Variants in MCTP2 observed in about 807,000 individuals in gnomAD.
MCTP2 encodes the protein multiple C2 and transmembrane domain containing 2.
Under a neutral mutation model 111.6 loss-of-function variants are expected in MCTP2, and 132 were observed. The observed-to-expected ratio is 1.18, with a 90% CI of 1.03 to 1.37. The LOEUF (loss-of-function observed/expected upper bound fraction) is 1.37, where lower values mean the gene tolerates loss of function less well. Among genes scored for constraint, MCTP2 ranks in the 40% most tolerant of loss-of-function variants. The pLI is 0.00. For synonymous variants in MCTP2, 395 were observed against 387.7 expected (o/e 1.02, Z -0.22); for missense variants, 1,183 against 1,067.9 (o/e 1.11, Z -1.50).
At chr15:94,385,776 C>A (rs2080430821) in intron 14 of MCTP2, among the ~76,000 whole-genome samples, 1 of 152,164 alleles carries the variant, frequency 6.6e-6, no homozygotes, top group African/African-American at 2.4e-5. Flanking sequence ...TTTTTCAATT[C>A]ATTTTCAGTC....
intron 19 of MCTP2, among the ~76,000 whole-genome samples, chr15:94,446,357 C>T (rs555709650): frequency 9.3e-4 from 142 of 152,292 alleles, no homozygotes; most frequent in African/African-American, 3.2e-3. Context: ...TAGCTAAGTT[C>T]AGCCAACAGC....
At chr15:94,434,566 AT>A (rs919986202) in intron 17 of MCTP2, among the ~76,000 whole-genome samples, 30 of 151,966 alleles carry the variant, frequency 2.0e-4, no homozygotes, top group East Asian at 1.5e-3. Flanking sequence ...AGAGTAGGTG[AT>A]TTTTTTTCCC....
chr15:94,274,783 T>TA (rs1047329771), intron 1 of MCTP2, among the ~76,000 whole-genome samples: 5 of 152,122 alleles, frequency 3.3e-5, no homozygotes, highest in South Asian at 2.1e-4. Context: ...TGCATCCTTT[T>TA]AAAAAATGCC....
At chr15:94,243,762 T>C (rs2071362961) in intron 1 of MCTP2, among the ~76,000 whole-genome samples, 1 of 147,994 alleles carries the variant, frequency 6.8e-6, no homozygotes, top group Non-Finnish European at 1.5e-5. Context: ...CATGCATATG[T>C]GTATATATTT....
chr15:94,427,689 GAAAC>G (rs2082961160), intron 17 of MCTP2, among the ~76,000 whole-genome samples: 1 of 152,124 alleles, frequency 6.6e-6, no homozygotes, highest in Admixed American at 6.5e-5. Context: ...TATCAACAAG[GAAAC>G]AAACAAATAG....
chr15:94,257,566 G>GTTGTTGTTGTTTTT (rs2072870063), intron 1 of MCTP2, among the ~76,000 whole-genome samples: 2 of 73,006 alleles, frequency 2.7e-5, no homozygotes, highest in African/African-American at 1.0e-4. Context: ...CATTTTCTTT[G>GTTGTTGTTGTTTTT]TTGTTTTTTT....
rs566323469 is a variant in MCTP2, at chr15:94,288,703, C to G, written c.-65-9498C>G. ...AACTCACATGGGAAAAGGCAATTAA[C>G]AGATGAAAATGAAAATATGACTTTA... is the stretch of plus-strand genomic sequence containing the variant. On this transcript the variant is annotated intron_variant, in intron 1 of 22. Transcript: ENST00000357742. Among the ~76,000 whole-genome samples, 23 of 152,192 alleles carry G rather than the reference C, an allele frequency of 1.5e-4. No individual in the cohort carries two copies. In the East Asian group the frequency reaches 4.2e-3, roughly 28 times the overall value.
chr15:94,295,609 G>A (rs1001213268), intron 1 of MCTP2, among the ~76,000 whole-genome samples: 1 of 152,110 alleles, frequency 6.6e-6, no homozygotes, highest in Non-Finnish European at 1.5e-5. Flanking sequence ...TATTTTTGCT[G>A]AGAAGGTACT....
chr15:94,312,207 A>G (rs1423283991), intron 2 of MCTP2, among the ~76,000 whole-genome samples: 1 of 152,194 alleles, frequency 6.6e-6, no homozygotes, highest in Non-Finnish European at 1.5e-5. Context: ...AATCAGGCAG[A>G]ACGATTGCAT....
At chr15:94,398,573 C>G (rs1251523227) in intron 14 of MCTP2, among the ~76,000 whole-genome samples, 2 of 152,214 alleles carry the variant, frequency 1.3e-5, no homozygotes, top group African/African-American at 4.8e-5. Flanking sequence ...CATCTTATCT[C>G]CTTAGACTCT....
At chr15:94,239,142 G>A (rs546385976) in intron 1 of MCTP2, among the ~76,000 whole-genome samples, 1 of 152,068 alleles carries the variant, frequency 6.6e-6, no homozygotes, top group Non-Finnish European at 1.5e-5. Flanking sequence ...ACTACTTTTA[G>A]CATTATGAAG....
intron 8 of MCTP2, among the ~76,000 whole-genome samples, chr15:94,346,283 C>T (rs2077978524): frequency 6.6e-6 from 1 of 152,168 alleles, no homozygotes; most frequent in Non-Finnish European, 1.5e-5. Context: ...GCATTATGAA[C>T]ACTTTAAAAT....
intron 1 of MCTP2, among the ~76,000 whole-genome samples, chr15:94,254,175 G>A (rs553673961): frequency 2.0e-5 from 3 of 152,126 alleles, no homozygotes; most frequent in Non-Finnish European, 4.4e-5. Flanking sequence ...ATCACTTTCT[G>A]ATCAGCCTTT....
chr15:94,454,740 CTTTA>C (rs2084697630), intron 19 of MCTP2, among the ~76,000 whole-genome samples: 1 of 151,802 alleles, frequency 6.6e-6, no homozygotes, highest in Non-Finnish European at 1.5e-5. Flanking sequence ...CCAAAAAACA[CTTTA>C]TTTTTCTACG....
chr15:94,299,877 G>A lies in MCTP2; in HGVS notation c.465+1147G>A, dbSNP rs116861457. ...ATATCATGGCCATATTCGTTAGCAAGCATTACTATATTAAGACACCATTAC... is the reference window on the plus strand; with the variant it reads ...ATATCATGGCCATATTCGTTAGCAAACATTACTATATTAAGACACCATTAC... On this transcript the variant is annotated intron_variant, in intron 2 of 22. Coordinates refer to ENST00000357742, the MANE Select transcript of MCTP2 (RefSeq NM_001385001.1). Among the ~76,000 whole-genome samples the A allele has an allele frequency of 2.6e-3, 399 of 152,306 alleles. 18 individuals carry two copies. In the East Asian group the frequency reaches 0.068, roughly 26 times the overall value.
At chr15:94,312,804 G>T (rs2076207435) in intron 2 of MCTP2, among the ~76,000 whole-genome samples, 1 of 152,204 alleles carries the variant, frequency 6.6e-6, no homozygotes, top group Non-Finnish European at 1.5e-5. Flanking sequence ...CAGTGGGCCA[G>T]AAAGCCCGTC....
intron 2 of MCTP2, among the ~76,000 whole-genome samples, chr15:94,307,311 A>C (rs889767144): frequency 6.6e-6 from 1 of 152,152 alleles, no homozygotes; most frequent in Non-Finnish European, 1.5e-5. Flanking sequence ...GTGGTCAGGA[A>C]GGACCTCTTC....
At chr15:94,380,372 G>A (rs75676518) in intron 12 of MCTP2, among the ~76,000 whole-genome samples, 2 of 152,172 alleles carry the variant, frequency 1.3e-5, no homozygotes, top group East Asian at 1.9e-4. Context: ...GAATAGCAGA[G>A]ACCATTATGA....
At chr15:94,324,923 A>C (rs2076789417) in intron 4 of MCTP2, among the ~76,000 whole-genome samples, 1 of 152,172 alleles carries the variant, frequency 6.6e-6, no homozygotes, top group Admixed American at 6.5e-5. Flanking sequence ...GCTAATTTTT[A>C]TGATGTTGCT....
Sources: gnomAD v4.1 joint callset for allele counts (sites outside exome capture counted in the v4.1 genomes callset) on GRCh38, gnomAD v4.1.1 for gene constraint, MANE v1.5 for transcripts, NCBI Gene and HGNC (gene_info 2026-07-23, HGNC 2026-07-21) for gene names.